The following PLA2G4A variants were observed in gnomAD, a reference collection of about 807,000 sequenced individuals.
PLA2G4A encodes the protein cytosolic phospholipase A2.
Under a neutral mutation model 81.9 loss-of-function variants are expected in PLA2G4A, and 40 were observed. The ratio of observed to expected loss-of-function variants is 0.49; its 90% confidence interval spans 0.38 to 0.64. The LOEUF (loss-of-function observed/expected upper bound fraction) is 0.64. Among genes scored for constraint, PLA2G4A ranks in the 30% least tolerant of loss-of-function variants. The pLI is 0.00. For missense variants in PLA2G4A, 715 were observed against 905.1 expected (o/e 0.79, Z 2.69); for synonymous variants, 302 against 296.9 (o/e 1.02, Z -0.18).
rs73053062 is a variant in PLA2G4A at position 186,983,757 on chromosome 1, G to A, written c.2118+4285G>A. On this transcript the variant is annotated intron_variant, in intron 17 of 17. Coordinates refer to ENST00000367466, the MANE Select transcript of PLA2G4A (RefSeq NM_024420.3). Reference sequence around the variant, plus strand: ...ACACTGGTAGACATGTGATGGCGGCGGGGCGGGGGTGGGATGCAGAGGCAT... The same window carrying A: ...ACACTGGTAGACATGTGATGGCGGCAGGGCGGGGGTGGGATGCAGAGGCAT... Among the ~76,000 whole-genome samples, 1,058 of 151,872 alleles carry A rather than the reference G, an allele frequency of 7.0e-3. 10 individuals carry two copies. Among genetic ancestry groups the A allele is most frequent in the African/African-American group, 0.024 (997 of 41,368 alleles).
chr1:186,973,415 G>T (rs1470787691), intron 15 of PLA2G4A, among the ~76,000 whole-genome samples: 2 of 152,106 alleles, frequency 1.3e-5, no homozygotes, highest in Non-Finnish European at 2.9e-5. Context: ...CGTAATCCAA[G>T]ATGATCTAAT....
chr1:186,878,033 T>A (rs916809198), intron 3 of PLA2G4A, among the ~76,000 whole-genome samples: 4 of 149,032 alleles, frequency 2.7e-5, no homozygotes, highest in Non-Finnish European at 5.9e-5. Flanking sequence ...TCAAATCTTA[T>A]TTTTTATAAA....
At position 186,937,784 on chromosome 1, in the gene PLA2G4A, G is replaced by C. The variant is rs190554848; in HGVS notation, c.696-1224G>C. On this transcript the variant is annotated intron_variant, in intron 8 of 17. Coordinates refer to ENST00000367466, the MANE Select transcript of PLA2G4A (RefSeq NM_024420.3). ...ATAAATTTTGAATTCCAGTTCTGCT[G>C]TTATAAACTGGGGAATATGAGCATG... 1.1e-4 allele frequency among the ~76,000 whole-genome samples: 17 copies of C among 150,906 alleles called. No individual in the cohort carries two copies. The East Asian group carries it at 3.3e-3, about 29-fold the overall frequency.
Position 186,942,728 on chromosome 1 carries a change from T to C in PLA2G4A, c.1033+2634T>C, listed in dbSNP as rs539890110. On this transcript the variant is annotated intron_variant, in intron 10 of 17. Coordinates refer to ENST00000367466, the MANE Select transcript of PLA2G4A (RefSeq NM_024420.3). Reference sequence around the variant, plus strand: ...ATAATATTTGGGTGAGTGGATATTCTGGGTTCTTTTAGACTGAAAAAATGC... The same window carrying C: ...ATAATATTTGGGTGAGTGGATATTCCGGGTTCTTTTAGACTGAAAAAATGC... Among the ~76,000 whole-genome samples, 9 of 152,318 alleles carry C rather than the reference T, an allele frequency of 5.9e-5. No homozygotes were observed. The East Asian group carries it at 1.5e-3, about 26-fold the overall frequency.
intron 5 of PLA2G4A, among the ~76,000 whole-genome samples, chr1:186,897,618 C>T (rs529078367): frequency 6.6e-6 from 1 of 152,194 alleles, no homozygotes; most frequent in South Asian, 2.1e-4. Flanking sequence ...AAGCCATTCC[C>T]GTGTCTCAGC....
chr1:186,855,098 C>A (rs1652503037), intron 2 of PLA2G4A, among the ~76,000 whole-genome samples: 1 of 151,868 alleles, frequency 6.6e-6, no homozygotes, highest in Admixed American at 6.6e-5. Context: ...CTCTTTCTTG[C>A]CCTCCTTGGA....
rs989125020 is a variant in PLA2G4A at position 186,907,097 on chromosome 1, CTGTGAACATA to C, written c.416+97_416+106del. The C allele has an allele frequency of 4.1e-5, 30 of 723,872 alleles. No homozygotes were observed. In the African/African-American group the frequency reaches 4.7e-4, roughly 11 times the overall value. The allele number at this position is 723,872 out of a possible 1,614,324, so 44.8% of individuals were successfully genotyped here. On this transcript the variant is annotated intron_variant, in intron 6 of 17. Coordinates refer to ENST00000367466, the MANE Select transcript of PLA2G4A (RefSeq NM_024420.3). ...AATTTTTTTATATATAATTCTGCAGCTGTGAACATATAGAAGTGCATTATGTTTACTTTGC... is the reference window on the plus strand; with the variant it reads ...AATTTTTTTATATATAATTCTGCAGCTAGAAGTGCATTATGTTTACTTTGC...
At chr1:186,858,882 T>C (rs1397214388) in intron 2 of PLA2G4A, among the ~76,000 whole-genome samples, 1 of 151,626 alleles carries the variant, frequency 6.6e-6, no homozygotes, top group African/African-American at 2.4e-5. Context: ...ATTCTCGCTA[T>C]GTGTATATGG....
At chr1:186,956,059 A>G (rs1270591165) in intron 13 of PLA2G4A, 43 bp from the exon 14 acceptor site, 2 of 1,585,566 alleles carry the variant, frequency 1.3e-6, no homozygotes, top group East Asian at 2.2e-5. Flanking sequence ...CTTTTTAAAC[A>G]TGTATTTTGG....
intron 17 of PLA2G4A, among the ~76,000 whole-genome samples, chr1:186,981,623 T>C (rs1052448449): frequency 2.4e-4 from 36 of 152,196 alleles, no homozygotes; most frequent in African/African-American, 8.7e-4. Context: ...TTTAGTGGCA[T>C]TAAGTACATT....
chr1:186,864,475 G>GT (rs1171820541), intron 2 of PLA2G4A, among the ~76,000 whole-genome samples: 1 of 151,608 alleles, frequency 6.6e-6, no homozygotes, highest in East Asian at 1.9e-4. Flanking sequence ...CATTTTTGTG[G>GT]TTTTTTTAAT....
At chr1:186,856,838 A>C (rs1038541610) in intron 2 of PLA2G4A, among the ~76,000 whole-genome samples, 2 of 151,542 alleles carry the variant, frequency 1.3e-5, no homozygotes, top group African/African-American at 2.4e-5. Flanking sequence ...TCAGTTAAAG[A>C]GAGAGAAAAT....
chr1:186,836,398 A>C (rs1651778573), intron 1 of PLA2G4A, among the ~76,000 whole-genome samples: 1 of 151,914 alleles, frequency 6.6e-6, no homozygotes, highest in African/African-American at 2.4e-5. Context: ...GATAACAAGA[A>C]TCTTCAAGCA....
chr1:186,946,451 G>A (rs1329552989), intron 10 of PLA2G4A, among the ~76,000 whole-genome samples, 186 bp from the exon 11 acceptor site: 1 of 80,490 alleles, frequency 1.2e-5, no homozygotes, highest in African/African-American at 3.1e-5. Flanking sequence ...TCACCTCTAA[G>A]CGTTTTTCCC....
chr1:186,870,523 G>A lies in PLA2G4A; in HGVS notation c.115+7G>A, dbSNP rs182035463. Reference sequence around the variant, plus strand: ...GGGGCCTTTGGTGACATGCGTAAGTGCCCTTTTTTTCTTTGCTGTTAAACA... The same window carrying A: ...GGGGCCTTTGGTGACATGCGTAAGTACCCTTTTTTTCTTTGCTGTTAAACA... On this transcript the variant is annotated splice_region_variant and intron_variant, in intron 3 of 17. Coordinates refer to ENST00000367466, the MANE Select transcript of PLA2G4A (RefSeq NM_024420.3). The A allele has an allele frequency of 2.2e-4, 350 of 1,591,270 alleles. No homozygotes were observed. Among genetic ancestry groups the A allele is most frequent in the Middle Eastern group, 8.4e-4 (5 of 5,954 alleles).
chr1:186,924,460 G>A (rs182094190), intron 7 of PLA2G4A, among the ~76,000 whole-genome samples: 3 of 152,114 alleles, frequency 2.0e-5, no homozygotes, highest in East Asian at 3.9e-4. Flanking sequence ...CCCTTTTCAC[G>A]GTCTTTATCA....
At chr1:186,861,411 C>G (rs1652794335) in intron 2 of PLA2G4A, among the ~76,000 whole-genome samples, 1 of 152,148 alleles carries the variant, frequency 6.6e-6, no homozygotes, top group Non-Finnish European at 1.5e-5. Context: ...TTTTTGTGCT[C>G]TTTTTCACCT....
intron 1 of PLA2G4A, among the ~76,000 whole-genome samples, chr1:186,837,608 G>T (rs1651828734): frequency 6.6e-6 from 1 of 150,396 alleles, no homozygotes; most frequent in Non-Finnish European, 1.5e-5. Context: ...GTGGTGGCGG[G>T]CGCCTGTAGT....
chr1:186,986,325 GC>G (rs1215756926), intron 17 of PLA2G4A, among the ~76,000 whole-genome samples: 1 of 152,122 alleles, frequency 6.6e-6, no homozygotes, highest in Non-Finnish European at 1.5e-5. Context: ...TTATTTTAAA[GC>G]TTTTTAGGTG....
Sources: allele counts gnomAD v4.1 joint callset (sites outside exome capture counted in the v4.1 genomes callset), GRCh38; gene constraint gnomAD v4.1.1; transcripts MANE v1.5; gene names NCBI Gene and HGNC (gene_info 2026-07-23, HGNC 2026-07-21).